Variants in CLDN18 observed in about 807,000 individuals in gnomAD.
The protein encoded by CLDN18 is claudin-18.
Under a neutral mutation model 25.0 loss-of-function variants are expected in CLDN18, and 20 were observed. The ratio of observed to expected loss-of-function variants is 0.80; its 90% CI spans 0.56 to 1.16. CLDN18 has a LOEUF of 1.16. Among genes scored for constraint, CLDN18 ranks in the 50% most tolerant of loss-of-function variants. The pLI is 0.00. For synonymous variants in CLDN18, 125 were observed against 135.6 expected, an observed-to-expected ratio of 0.92 and a Z score of 0.54; for missense variants, 297 against 345.4, an observed-to-expected ratio of 0.86 and a Z score of 1.11.
At chr3:138,025,532 A>C (rs1336541908) in intron 3 of CLDN18, among the ~76,000 whole-genome samples, 1 of 152,130 alleles carries the variant, frequency 6.6e-6, no homozygotes. Context: ...CCACACCAAC[A>C]TGGGGTACAG....
At chr3:138,024,485 T>C (rs1194658634) in intron 2 of CLDN18, 122 bp from the exon 3 acceptor site, 6 of 674,526 alleles carry the variant, frequency 8.9e-6, no homozygotes, top group African/African-American at 5.4e-5. Flanking sequence ...TAATCAATGC[T>C]TGGTTATAGG....
At chr3:138,014,356 GA>G (rs1227073512) in intron 1 of CLDN18, among the ~76,000 whole-genome samples, 1 of 152,180 alleles carries the variant, frequency 6.6e-6, no homozygotes, top group Non-Finnish European at 1.5e-5. Context: ...AGGGCTCTTG[GA>G]AACTGTTGGT....
At chr3:138,011,305 T>C (rs1197670000) in intron 1 of CLDN18, among the ~76,000 whole-genome samples, 3 of 152,152 alleles carry the variant, frequency 2.0e-5, no homozygotes, top group African/African-American at 7.2e-5. Flanking sequence ...CAAATACCTT[T>C]TATAAACAAG....
At position 138,031,326 on chromosome 3, in the gene CLDN18, A is replaced by G; in HGVS notation, c.*185A>G. 1 of 444,098 alleles carries G rather than the reference A, an allele frequency of 2.3e-6. No homozygotes were observed. Among genetic ancestry groups the G allele is most frequent in the Non-Finnish European group, 3.9e-6 (1 of 254,724 alleles). 27.5% of individuals were successfully genotyped at this position (444,098 alleles called of 1,614,324 possible). A position where few individuals can be genotyped will look rare whatever the true frequency, so the allele number is the denominator to read the frequency against. ...TCTCTGTCTCTAAATATTCCACCATAAAACAGCTGAGTTATTTATGAATTA... is the reference window on the plus strand; with the variant it reads ...TCTCTGTCTCTAAATATTCCACCATGAAACAGCTGAGTTATTTATGAATTA... On this transcript the variant is annotated 3_prime_UTR_variant, in exon 5 of 5. Transcript: ENST00000183605.
chr3:138,023,506 C>A, intron 1 of CLDN18, 152 bp from the exon 2 acceptor site: 1 of 630,798 alleles, frequency 1.6e-6, no homozygotes, highest in Non-Finnish European at 2.6e-6. Context: ...CATCCTTTGA[C>A]AATGGCAAGG....
upstream of CLDN18, chr3:138,005,209 TG>T (rs1942057010): frequency 6.6e-6 from 1 of 152,184 alleles, no homozygotes; most frequent in Non-Finnish European, 1.5e-5. Context: ...TTGGGTTTTT[TG>T]TTTTTTTTCT....
chr3:138,000,029 C>T (rs1048568581), intron 1 of CLDN18, among the ~76,000 whole-genome samples: 52 of 152,254 alleles, frequency 3.4e-4, no homozygotes, highest in African/African-American at 7.9e-4. Context: ...AAATATGGGG[C>T]TTTCTCCTCC....
At chr3:138,019,382 C>T (rs1390891512) in intron 1 of CLDN18, among the ~76,000 whole-genome samples, 1 of 152,140 alleles carries the variant, frequency 6.6e-6, no homozygotes, top group Non-Finnish European at 1.5e-5. Context: ...TTCTGAGCTC[C>T]CCGACTTTGG....
chr3:138,019,190 C>G (rs887283708), intron 1 of CLDN18, among the ~76,000 whole-genome samples: 2 of 152,216 alleles, frequency 1.3e-5, no homozygotes, highest in African/African-American at 4.8e-5. Flanking sequence ...GAATTGAGGA[C>G]TTGTTTTCAC....
upstream of CLDN18, among the ~76,000 whole-genome samples, chr3:138,008,806 G>A (rs1197986961): frequency 6.6e-6 from 1 of 151,660 alleles, no homozygotes; most frequent in African/African-American, 2.4e-5. Flanking sequence ...TGCATGTATA[G>A]TTCCAAATAC....
At position 138,017,250 on chromosome 3, in the gene CLDN18, G is replaced by A. The variant is rs181582507; in HGVS notation, c.221-6408G>A. On this transcript the variant is annotated intron_variant, in intron 1 of 4. Coordinates refer to ENST00000183605, the MANE Select transcript of CLDN18 (RefSeq NM_016369.4). ...ATATCCAAAGTAAAGATCACTTAAG[G>A]TTCTGTGTTCTCCCTTCCCATCCCC... Among the ~76,000 whole-genome samples, 3 of 152,146 alleles carry A rather than the reference G, an allele frequency of 2.0e-5. No homozygotes were observed. In the South Asian group the frequency reaches 6.2e-4, roughly 32 times the overall value.
chr3:138,006,437 G>A (rs1023810225), upstream of CLDN18, among the ~76,000 whole-genome samples: 11 of 152,126 alleles, frequency 7.2e-5, no homozygotes, highest in African/African-American at 1.2e-4. Flanking sequence ...TGCCAGGGCC[G>A]TATTTAAACC....
Position 138,010,238 on chromosome 3 carries a change from A to C in CLDN18, c.13A>C (p.Thr5Pro). Residue 5 changes from threonine (T) to proline (P), a missense_variant, in exon 1 of 5, where the codon ACA becomes CCA. Coordinates refer to ENST00000183605, the MANE Select transcript of CLDN18 (RefSeq NM_016369.4). ...GGCGGCCAGGATCATGTCCACCACC[A>C]CATGCCAAGTGGTGGCGTTCCTCCT... MSTT[T>P]CQVVAFLLSI... The C allele has an allele frequency of 6.2e-7, 1 of 1,613,214 alleles. No individual in the cohort carries two copies. Among genetic ancestry groups the C allele is most frequent in the Non-Finnish European group, 8.5e-7 (1 of 1,179,716 alleles).
chr3:138,019,257 T>C (rs953472322), intron 1 of CLDN18, among the ~76,000 whole-genome samples: 1 of 152,186 alleles, frequency 6.6e-6, no homozygotes, highest in Non-Finnish European at 1.5e-5. Context: ...TTCTGTAGAA[T>C]TTTACAAGGT....
chr3:138,004,976 T>C (rs1486063982), intron 1 of CLDN18: 1 of 152,016 alleles, frequency 6.6e-6, no homozygotes, highest in East Asian at 1.9e-4. Context: ...TAAAATAAAA[T>C]ACATTATATG....
intron 3 of CLDN18, 38 bp from the exon 4 acceptor site, chr3:138,029,759 G>A: frequency 1.6e-6 from 2 of 1,273,508 alleles, no homozygotes; most frequent in Non-Finnish European, 2.2e-6. Flanking sequence ...CTGGAGAGTT[G>A]AGTCAACCAT....
intron 1 of CLDN18, among the ~76,000 whole-genome samples, chr3:138,002,976 C>A (rs974396030): frequency 3.9e-5 from 6 of 152,160 alleles, no homozygotes; most frequent in African/African-American, 1.4e-4. Context: ...ATTTATTGAA[C>A]ACCTACTATG....
chr3:138,025,077 A>G (rs760548098), intron 3 of CLDN18, among the ~76,000 whole-genome samples: 1 of 152,254 alleles, frequency 6.6e-6, no homozygotes, highest in Non-Finnish European at 1.5e-5. Context: ...CCATAACTGG[A>G]ACCTGGCTAG....
chr3:138,015,792 C>A (rs1261579947), intron 1 of CLDN18, among the ~76,000 whole-genome samples: 1 of 152,190 alleles, frequency 6.6e-6, no homozygotes, highest in Admixed American at 6.5e-5. Context: ...TTCCTAAGTG[C>A]AATCTCTGTT....
Sources: allele counts gnomAD v4.1 joint callset (sites outside exome capture counted in the v4.1 genomes callset), GRCh38; gene constraint gnomAD v4.1.1; transcripts MANE v1.5; gene names NCBI Gene and HGNC (gene_info 2026-07-23, HGNC 2026-07-21).